Variants in SLC29A3 observed in about 807,000 individuals in gnomAD.
SLC29A3 encodes the protein equilibrative nucleoside transporter 3.
SLC29A3 carries 18 observed loss-of-function variants against 25.4 expected under a neutral mutation model. The observed-to-expected ratio is 0.71, with a 90% CI of 0.49 to 1.05. The LOEUF is 1.05. Among genes scored for constraint, SLC29A3 ranks in the 50% least tolerant of loss-of-function variants. SLC29A3 has a pLI of 0.00. For missense variants in SLC29A3, 586 were observed against 609.0 expected (o/e 0.96, Z 0.40); for synonymous variants, 258 against 267.1 (o/e 0.97, Z 0.33).
chr10:71,362,687 G>A lies in SLC29A3; in HGVS notation c.*79G>A, dbSNP rs534391306. On this transcript the variant is annotated 3_prime_UTR_variant, in exon 6 of 6. Coordinates refer to ENST00000373189, the MANE Select transcript of SLC29A3 (RefSeq NM_018344.6). ...GTGCAGGAGGGCTGGGGGCCATGGA[G>A]GAAAGGCCTAAAGTTTCACTTGGGG... 2 of 1,585,408 alleles carry A rather than the reference G, an allele frequency of 1.3e-6. No individual in the cohort carries two copies. Among genetic ancestry groups the A allele is most frequent in the Non-Finnish European group, 1.7e-6 (2 of 1,159,374 alleles).
chr10:71,319,372 C>A, intron 1 of SLC29A3, 62 bp downstream of exon 1: 1 of 601,650 alleles, frequency 1.7e-6, no homozygotes, highest in South Asian at 1.8e-5. Flanking sequence ...GACTCGCGCT[C>A]AGCGACCTCC....
chr10:71,347,500 C>T (rs71477536), intron 3 of SLC29A3, among the ~76,000 whole-genome samples: 6,135 of 152,194 alleles, frequency 0.04, 167 homozygotes, highest in Non-Finnish European at 0.053. Context: ...CCTAAGAGCA[C>T]GACTGTCCCC....
chr10:71,367,065 T>C (rs1453375937), downstream of SLC29A3, among the ~76,000 whole-genome samples: 1 of 152,156 alleles, frequency 6.6e-6, no homozygotes, highest in Non-Finnish European at 1.5e-5. Flanking sequence ...GAGCTGGCTA[T>C]TGGGAAAGGA....
At chr10:71,344,370 T>C in intron 3 of SLC29A3, 79 bp downstream of exon 3, 1 of 1,113,100 alleles carries the variant, frequency 9.0e-7, no homozygotes, top group Non-Finnish European at 1.4e-6. Context: ...TGCAGCTGCT[T>C]TTTTTCTGCC....
intron 3 of SLC29A3, among the ~76,000 whole-genome samples, chr10:71,371,615 A>G (rs1847211474): frequency 6.6e-6 from 1 of 152,178 alleles, no homozygotes; most frequent in African/African-American, 2.4e-5. Flanking sequence ...AGTGCTTAAG[A>G]GCAGGGACTT....
chr10:71,357,295 G>T (rs1211408865), intron 5 of SLC29A3, among the ~76,000 whole-genome samples: 10 of 152,068 alleles, frequency 6.6e-5, no homozygotes, highest in Non-Finnish European at 1.3e-4. Flanking sequence ...GGTGCCTGTA[G>T]TCCCAGCTAC....
rs1461793910 is a variant in SLC29A3 at position 71,378,070 on chromosome 10, A to G, written c.*212-1696A>G. On this transcript the variant is annotated intron_variant and NMD_transcript_variant, in intron 4 of 4. Transcript: ENST00000642772. ...GCCATGCAGGGCCAATCCAGGTTTT[A>G]TGGGGTCTGAAGCTTAGACAATGTT... 2.4e-5 allele frequency among the ~76,000 whole-genome samples: 3 copies of G among 123,552 alleles called. No individual in the cohort carries two copies. In the South Asian group the frequency reaches 9.5e-4, roughly 39 times the overall value. 81.1% of individuals were successfully genotyped at this position (123,552 alleles called of 152,430 possible).
At chr10:71,341,236 T>C (rs1464345465) in intron 2 of SLC29A3, among the ~76,000 whole-genome samples, 2 of 142,490 alleles carry the variant, frequency 1.4e-5, no homozygotes, top group East Asian at 3.9e-4. Context: ...TTGGTGGCAG[T>C]GGTGGCAGCA....
In SLC29A3 at chr10:71,361,789, C is replaced by T. The variant is rs115505726; in HGVS notation, c.774-165C>T. Among the ~76,000 whole-genome samples the T allele has an allele frequency of 6.1e-3, 933 of 152,272 alleles. 7 individuals are homozygous for T. Among genetic ancestry groups the T allele is most frequent in the African/African-American group, 0.021 (873 of 41,554 alleles). ...ACAACGCAGGCCTTCCCCTGGCCAC[C>T]CCGTGACAGCATCTGTCATCTCAGG... On this transcript the variant is annotated intron_variant, in intron 5 of 5. Transcript: ENST00000373189.
At chr10:71,361,028 GTT>G (rs1193184779) in intron 5 of SLC29A3, among the ~76,000 whole-genome samples, 1 of 152,238 alleles carries the variant, frequency 6.6e-6, no homozygotes, top group Non-Finnish European at 1.5e-5. Context: ...GTTGCAGAAA[GTT>G]TTACAATATG....
chr10:71,347,716 G>A (rs1191641773), intron 3 of SLC29A3, among the ~76,000 whole-genome samples: 1 of 152,190 alleles, frequency 6.6e-6, no homozygotes, highest in Non-Finnish European at 1.5e-5. Flanking sequence ...CTGTGCGGGT[G>A]AAGGGCCATG....
At chr10:71,339,859 T>C (rs1417250936) in intron 2 of SLC29A3, among the ~76,000 whole-genome samples, 1 of 152,064 alleles carries the variant, frequency 6.6e-6, no homozygotes, top group Non-Finnish European at 1.5e-5. Context: ...CCTCCTTCCA[T>C]GCCCCCCAAC....
intron 2 of SLC29A3, among the ~76,000 whole-genome samples, chr10:71,330,798 C>G (rs74147849): frequency 6.6e-6 from 1 of 152,090 alleles, no homozygotes; most frequent in Non-Finnish European, 1.5e-5. Context: ...CATTCATTAA[C>G]TCAGCAATAT....
rs200175542 is a variant in SLC29A3, at chr10:71,344,334, C to T, written c.383+43C>T. On this transcript the variant is annotated intron_variant, in intron 3 of 5. Transcript: ENST00000373189. ...CTCTCTCAGGCCTCTGCCTTGGTCT[C>T]CTGCCTCCTCTACTCCCCTCTTGCC... The T allele has an allele frequency of 1.7e-5, 25 of 1,459,232 alleles. No individual in the cohort carries two copies. In the African/African-American group the frequency reaches 3.2e-4, roughly 19 times the overall value. The allele number at this position is 1,459,232 out of a possible 1,614,324, so 90.4% of individuals were successfully genotyped here. A position where few individuals can be genotyped will look rare whatever the true frequency, so the allele number is the denominator to read the frequency against.
intron 2 of SLC29A3, among the ~76,000 whole-genome samples, chr10:71,333,555 AC>A (rs1166202477): frequency 6.6e-6 from 1 of 152,034 alleles, no homozygotes; most frequent in African/African-American, 2.4e-5. Flanking sequence ...AGGCTGGAGC[AC>A]CCCCAGACCA....
At chr10:71,329,994 G>A (rs2131806558) in intron 2 of SLC29A3, among the ~76,000 whole-genome samples, 1 of 152,322 alleles carries the variant, frequency 6.6e-6, no homozygotes, top group South Asian at 2.1e-4. Flanking sequence ...CCTCGAGTGT[G>A]GGGTTCCTCA....
At chr10:71,321,803 G>C (rs775075115) in intron 1 of SLC29A3, among the ~76,000 whole-genome samples, 1 of 152,228 alleles carries the variant, frequency 6.6e-6, no homozygotes, top group Non-Finnish European at 1.5e-5. Flanking sequence ...CGCTACCATA[G>C]ATTGAAAGTG....
At chr10:71,336,615 T>C (rs561106837) in intron 2 of SLC29A3, among the ~76,000 whole-genome samples, 110 of 151,792 alleles carry the variant, frequency 7.2e-4, no homozygotes, top group Non-Finnish European at 1.4e-3. Flanking sequence ...GAGAGTCTCT[T>C]GGCCAGCAGA....
intron 2 of SLC29A3, among the ~76,000 whole-genome samples, chr10:71,325,931 T>G (rs1460391526): frequency 3.3e-5 from 5 of 150,846 alleles, no homozygotes; most frequent in Non-Finnish European, 7.4e-5. Flanking sequence ...TTTTTTTTTT[T>G]TTTGAGACAG....
Sources: allele counts gnomAD v4.1 joint callset (sites outside exome capture counted in the v4.1 genomes callset), GRCh38; gene constraint gnomAD v4.1.1; transcripts MANE v1.5; gene names NCBI Gene and HGNC (gene_info 2026-07-23, HGNC 2026-07-21).